NEK4: variants seen among roughly 807,000 people sequenced by gnomAD.
NEK4 encodes the protein NIMA related kinase 4, also known as serine/threonine-protein kinase Nek4.
NEK4 carries 86 observed loss-of-function variants against 98.4 expected under a neutral mutation model. The ratio of observed to expected loss-of-function variants is 0.87; its 90% CI spans 0.73 to 1.05. The LOEUF (loss-of-function observed/expected upper bound fraction) is 1.05. NEK4 is among the 50% of genes least tolerant of loss of function. The pLI is 0.00. For synonymous variants in NEK4, 328 were observed against 342.2 expected (o/e 0.96, Z 0.46); for missense variants, 898 against 950.3 (o/e 0.94, Z 0.72).
At chr3:52,760,682 G>A in intron 6 of NEK4, 113 bp downstream of exon 6, 1 of 783,316 alleles carries the variant, frequency 1.3e-6, no homozygotes, top group Non-Finnish European at 2.2e-6. Context: ...GGAATTAATT[G>A]TACAACAGAA....
intron 1 of NEK4, among the ~76,000 whole-genome samples, chr3:52,770,101 G>A (rs1698719749): frequency 6.6e-6 from 1 of 152,132 alleles, no homozygotes. Flanking sequence ...GCTTAAAAAT[G>A]ACTCCAGGTG....
chr3:52,725,719 G>C (rs1420326946), intron 15 of NEK4, among the ~76,000 whole-genome samples: 2 of 151,434 alleles, frequency 1.3e-5, no homozygotes, highest in Non-Finnish European at 2.9e-5. Flanking sequence ...AGAGAAAACA[G>C]TTACAGGACA....
At chr3:52,733,361 C>T (rs2097371782) in intron 15 of NEK4, 4 of 364,440 alleles carry the variant, frequency 1.1e-5, no homozygotes, top group South Asian at 5.2e-5. Context: ...AGAGAGGCCT[C>T]GCAAATGTAA....
At chr3:52,731,920 G>A (rs927820031) in intron 15 of NEK4, among the ~76,000 whole-genome samples, 2 of 152,172 alleles carry the variant, frequency 1.3e-5, no homozygotes, top group Non-Finnish European at 2.9e-5. Flanking sequence ...TCATGATAGT[G>A]AGTAAGTCTC....
chr3:52,762,477 C>A (rs987811434), intron 5 of NEK4, among the ~76,000 whole-genome samples: 1 of 152,046 alleles, frequency 6.6e-6, no homozygotes. Flanking sequence ...TGTCTTAGAA[C>A]CCTCTGAGGA....
At position 52,711,217 on chromosome 3, in the gene NEK4, G is replaced by A. The variant is rs2097350042; in HGVS notation, c.*560C>T. 6.6e-6 allele frequency: 1 copy of A among 152,198 alleles called. No individual in the cohort carries two copies. The highest frequency in any genetic ancestry group is 1.5e-5 in the Non-Finnish European group (1 of 68,022). The allele number at this position is 152,198 out of a possible 1,614,324, so 9.4% of individuals were successfully genotyped here. A position where few individuals can be genotyped will look rare whatever the true frequency, so the allele number is the denominator to read the frequency against. ...ATTAAATGAGAATAAAATATTAAAA[G>A]TCCATCAATGTGTAGAAAAGAAATA... On this transcript the variant is annotated 3_prime_UTR_variant, in exon 16 of 16. Coordinates refer to ENST00000233027, the MANE Select transcript of NEK4 (RefSeq NM_003157.6).
At chr3:52,732,991 A>T (rs1311337995) in intron 15 of NEK4, 1 of 216,778 alleles carries the variant, frequency 4.6e-6, no homozygotes, top group Non-Finnish European at 1.0e-5. Flanking sequence ...TACAAACCAT[A>T]GTTCCTCAGT....
rs35102486 is a variant in NEK4 at position 52,738,175 on chromosome 3, T to C, written c.2300-456A>G. On this transcript the variant is annotated intron_variant, in intron 14 of 15. Transcript: ENST00000233027. ...ATAGGGATGTAGTGCAGTGTGACCA[T>C]AGCTCACTATAGCCTCTAATTCCTG... 1.9e-3 allele frequency among the ~76,000 whole-genome samples: 285 copies of C among 151,734 alleles called. 1 individual carries two copies. Among genetic ancestry groups the C allele is most frequent in the Middle Eastern group, 0.01 (3 of 292 alleles).
chr3:52,749,480 A>G (rs141966970), intron 8 of NEK4, among the ~76,000 whole-genome samples: 86 of 152,160 alleles, frequency 5.7e-4, no homozygotes, highest in African/African-American at 2.0e-3. Context: ...ACTGGTATCT[A>G]GAATAAAGAA....
chr3:52,722,983 T>C (rs1459231698), intron 15 of NEK4, among the ~76,000 whole-genome samples: 1 of 152,108 alleles, frequency 6.6e-6, no homozygotes, highest in African/African-American at 2.4e-5. Flanking sequence ...GCAGGAGGAT[T>C]AGTTGAGACC....
intron 15 of NEK4, among the ~76,000 whole-genome samples, chr3:52,722,514 A>G (rs2097360981): frequency 6.6e-6 from 1 of 152,134 alleles, no homozygotes; most frequent in South Asian, 2.1e-4. Context: ...AAAACAAAAA[A>G]CCACAAGACA....
At chr3:52,724,232 A>AACACACACACACACAC (rs10528307) in intron 15 of NEK4, among the ~76,000 whole-genome samples, 2,396 of 145,244 alleles carry the variant, frequency 0.016, 50 homozygotes, top group African/African-American at 0.039. Flanking sequence ...TTTGTCTTAA[A>AACACACACACACACAC]ACACACACAC....
chr3:52,735,343 T>C lies in NEK4; in HGVS notation c.2433+2243A>G, dbSNP rs1208144812. Among the ~76,000 whole-genome samples, 6 of 152,230 alleles carry C rather than the reference T, an allele frequency of 3.9e-5. No individual in the cohort carries two copies. In the East Asian group the frequency reaches 1.2e-3, roughly 29 times the overall value. ...CTTTCAGTTTACTCAGAATTTCCAA[T>C]TTGCTATAAAAATGTAACAATTAGC... On this transcript the variant is annotated intron_variant, in intron 15 of 15. Transcript: ENST00000233027.
chr3:52,757,107 C>T (rs76331591), intron 6 of NEK4, among the ~76,000 whole-genome samples: 164 of 152,256 alleles, frequency 1.1e-3, no homozygotes, highest in African/African-American at 3.7e-3. Flanking sequence ...ATAACAAGTA[C>T]TGGTGAGAAT....
intron 6 of NEK4, chr3:52,753,864 G>T: frequency 2.7e-6 from 1 of 371,936 alleles, no homozygotes; most frequent in South Asian, 2.1e-5. Flanking sequence ...ATAGGGCACA[G>T]ACTTTATCAA....
chr3:52,768,705 T>G lies in NEK4; in HGVS notation c.94-101A>C, dbSNP rs531742259. Reference sequence around the variant, plus strand: ...TCAAGAATACCCTCAAAACCAACCTTGTGGAGCCTGTCAGATAACCTATTC... The same window carrying G: ...TCAAGAATACCCTCAAAACCAACCTGGTGGAGCCTGTCAGATAACCTATTC... On this transcript the variant is annotated intron_variant, in intron 1 of 15. Transcript: ENST00000233027. 4 of 1,010,360 alleles carry G rather than the reference T, an allele frequency of 4.0e-6. No homozygotes were observed. The African/African-American group carries it at 6.4e-5, about 16-fold the overall frequency. 62.6% of individuals were successfully genotyped at this position (1,010,360 alleles called of 1,614,324 possible).
intron 15 of NEK4, among the ~76,000 whole-genome samples, chr3:52,722,951 C>G (rs2097361393): frequency 6.6e-6 from 1 of 152,162 alleles, no homozygotes; most frequent in Non-Finnish European, 1.5e-5. Flanking sequence ...CACCTGAAAT[C>G]TAAGTACTTT....
chr3:52,741,616 G>A, intron 12 of NEK4, 117 bp from the exon 13 acceptor site: 1 of 584,928 alleles, frequency 1.7e-6, no homozygotes, highest in Non-Finnish European at 3.0e-6. Flanking sequence ...CAATATAACA[G>A]GAGAATCTAA....
chr3:52,752,057 T>C lies in NEK4; in HGVS notation c.1243A>G (p.Thr415Ala). 4 of 1,614,250 alleles carry C rather than the reference T, an allele frequency of 2.5e-6. No homozygotes were observed. Among genetic ancestry groups the C allele is most frequent in the Non-Finnish European group, 3.4e-6 (4 of 1,180,040 alleles). Residue 415 changes from threonine (T) to alanine (A), a missense_variant, in exon 7 of 16, where the codon ACT becomes GCT. Thr to Ala is a moderately conservative substitution (Grantham distance 58). Transcript: ENST00000233027. ...QVEEEMLQDNTKSSAQPENLI... is the reference protein window; with the variant it reads ...QVEEEMLQDNAKSSAQPENLI... ...TTTTCAGGCTGGGCACTGGATTTAG[T>C]GTTGTCCTGCAGCATCTCCTCTTCC...
Sources: allele counts gnomAD v4.1 joint callset (sites outside exome capture counted in the v4.1 genomes callset), GRCh38; gene constraint gnomAD v4.1.1; transcripts MANE v1.5; gene names NCBI Gene and HGNC (gene_info 2026-07-23, HGNC 2026-07-21).